The following ELL variants were observed in gnomAD, a reference collection of about 807,000 sequenced individuals.
ELL encodes the protein elongation factor for RNA polymerase II.
In ELL, 18 loss-of-function variants were observed where a neutral mutation model predicts 64.0. That is an observed-to-expected ratio of 0.28 (90% CI 0.19 to 0.42). ELL has a LOEUF of 0.42. Among genes scored for constraint, ELL ranks in the 10% least tolerant of loss-of-function variants. ELL has a pLI of 1.00. For missense variants in ELL, 797 were observed against 870.4 expected (o/e 0.92, Z 1.06); for synonymous variants, 399 against 376.2 (o/e 1.06, Z -0.70).
chr19:18,510,423 T>C (rs937992623), intron 1 of ELL, among the ~76,000 whole-genome samples: 6 of 152,190 alleles, frequency 3.9e-5, no homozygotes, highest in African/African-American at 1.4e-4. Context: ...AACCGCACAC[T>C]GGCTATGCAG....
Position 18,446,778 on chromosome 19 carries a change from G to A in ELL, c.1502C>T (p.Thr501Met), listed in dbSNP as rs1313567339. 5 of 1,613,938 alleles carry A rather than the reference G, an allele frequency of 3.1e-6. No homozygotes were observed. The highest frequency in any genetic ancestry group is 1.1e-5 in the South Asian group (1 of 91,082). Residue 501 changes from threonine (T) to methionine (M), a missense_variant, in exon 9 of 12, where the codon ACG (threonine) becomes ATG (methionine). Transcript: ENST00000262809. ...NGTCSVSSVP[T>M]STSETPDYLL... ...GTAGTCAGGCGTCTCCGACGTGGACGTGGGAACACTGGAAACGCTGCAGGT... is the reference window on the plus strand; with the variant it reads ...GTAGTCAGGCGTCTCCGACGTGGACATGGGAACACTGGAAACGCTGCAGGT...
At chr19:18,461,013 A>G (rs191901298) in intron 5 of ELL, among the ~76,000 whole-genome samples, 164 of 152,178 alleles carry the variant, frequency 1.1e-3, no homozygotes, top group Non-Finnish European at 1.4e-3. Flanking sequence ...ACCTGCTCCA[A>G]TGCCCGGGGT....
chr19:18,444,124 G>A lies in ELL; in HGVS notation c.*628C>T. On this transcript the variant is annotated 3_prime_UTR_variant, in exon 12 of 12. Transcript: ENST00000262809. ...CTGGAGTTCTCAAAATAGCCACCTGGGCCACCCTGTTTGCTTGCTGGAGCA... is the reference window on the plus strand; with the variant it reads ...CTGGAGTTCTCAAAATAGCCACCTGAGCCACCCTGTTTGCTTGCTGGAGCA... 1 of 230,756 alleles carries A rather than the reference G, an allele frequency of 4.3e-6. No individual in the cohort carries two copies. The highest frequency in any genetic ancestry group is 8.6e-6 in the Non-Finnish European group (1 of 116,528). The allele number at this position is 230,756 out of a possible 1,614,324, so 14.3% of individuals were successfully genotyped here. A position where few individuals can be genotyped will look rare whatever the true frequency, so the allele number is the denominator to read the frequency against.
At chr19:18,496,151 C>T (rs1975649085) in intron 1 of ELL, among the ~76,000 whole-genome samples, 1 of 152,212 alleles carries the variant, frequency 6.6e-6, no homozygotes, top group South Asian at 2.1e-4. Context: ...CAGGTGAGGC[C>T]ATGGCTGCGC....
chr19:18,494,641 T>C (rs1975608905), intron 1 of ELL, among the ~76,000 whole-genome samples: 1 of 152,214 alleles, frequency 6.6e-6, no homozygotes, highest in South Asian at 2.1e-4. Context: ...TCCGCCCACC[T>C]TGGCCTCCCA....
At chr19:18,451,735 A>C in intron 6 of ELL, 87 bp from the exon 7 acceptor site, 3 of 1,087,506 alleles carry the variant, frequency 2.8e-6, no homozygotes, top group Non-Finnish European at 2.5e-6. Context: ...CCCGGTGGAG[A>C]TGCCTCAAGG....
intron 2 of ELL, 175 bp downstream of exon 2, chr19:18,472,660 C>T: frequency 1.4e-6 from 1 of 729,120 alleles, no homozygotes; most frequent in Non-Finnish European, 2.2e-6. Context: ...CCCGACACGT[C>T]CTGGTGTGGC....
In ELL at chr19:18,450,782, C is replaced by A. The variant is rs767464841; in HGVS notation, c.1160G>T (p.Arg387Leu). The A allele has an allele frequency of 1.9e-6, 3 of 1,579,462 alleles. No homozygotes were observed. The Admixed American group carries it at 5.4e-5, about 29-fold the overall frequency. Reference protein sequence around the residue: ...TLSSSTHLPPRLEPPRAHDPL... With the variant: ...TLSSSTHLPPLLEPPRAHDPL... Reference sequence around the variant, plus strand: ...GTCGTGGGCCCTCGGGGGCTCCAGCCGCGGGGGCAGGTGAGTGCTGGAGCT... The same window carrying A: ...GTCGTGGGCCCTCGGGGGCTCCAGCAGCGGGGGCAGGTGAGTGCTGGAGCT... The change falls in exon 8 of 12, where the codon CGG becomes CTG. Residue 387 changes from arginine to leucine, a missense_variant. Transcript: ENST00000262809.
At chr19:18,496,866 T>C (rs1975665443) in intron 1 of ELL, among the ~76,000 whole-genome samples, 1 of 152,224 alleles carries the variant, frequency 6.6e-6, no homozygotes, top group Admixed American at 6.5e-5. Flanking sequence ...TACCACCACA[T>C]GCTTATTAGA....
chr19:18,495,161 T>A (rs535846869), intron 1 of ELL, among the ~76,000 whole-genome samples: 74 of 152,200 alleles, frequency 4.9e-4, no homozygotes, highest in African/African-American at 1.6e-3. Flanking sequence ...CTGTTCTAAC[T>A]GCCAAGGGTT....
In ELL at chr19:18,462,025, G is replaced by A. The variant is rs776203982; in HGVS notation, c.470-173C>T. Among the ~76,000 whole-genome samples, 6 of 152,160 alleles carry A rather than the reference G, an allele frequency of 3.9e-5. No homozygotes were observed. The South Asian group carries it at 6.2e-4, about 16-fold the overall frequency. ...TTGGGGACCCTGGGCGACCAAGAGCGCCACCTGCTGCCCAAGGCAGGCACC... is the reference window on the plus strand; with the variant it reads ...TTGGGGACCCTGGGCGACCAAGAGCACCACCTGCTGCCCAAGGCAGGCACC... On this transcript the variant is annotated intron_variant, in intron 4 of 11. Coordinates refer to ENST00000262809, the MANE Select transcript of ELL (RefSeq NM_006532.4).
intron 4 of ELL, 90 bp downstream of exon 4, chr19:18,465,322 A>T (rs1314770347): frequency 8.1e-6 from 12 of 1,473,784 alleles, no homozygotes; most frequent in Non-Finnish European, 1.0e-5. Flanking sequence ...TGCAGGGCAC[A>T]GCCAGTGCCC....
intron 6 of ELL, among the ~76,000 whole-genome samples, chr19:18,454,803 T>A (rs1439684704): frequency 7.6e-6 from 1 of 130,790 alleles, no homozygotes; most frequent in Non-Finnish European, 1.6e-5. Context: ...ATTGCGCCAC[T>A]GCACTCCAGC....
chr19:18,471,110 C>T (rs1975056630), intron 2 of ELL: 4 of 410,612 alleles, frequency 9.7e-6, no homozygotes, highest in South Asian at 5.3e-5. Context: ...CAGTGGCTCA[C>T]ACCTGTAATT....
At chr19:18,512,482 T>G (rs1274273819) in intron 1 of ELL, among the ~76,000 whole-genome samples, 1 of 148,128 alleles carries the variant, frequency 6.8e-6, no homozygotes, top group Non-Finnish European at 1.5e-5. Context: ...TACAAAAACA[T>G]ACAAAAAGCA....
Position 18,509,593 on chromosome 19 carries a change from GCACATACACACACACACACACACACACA to G in ELL, c.135+12300_135+12327del, listed in dbSNP as rs1369935874. On this transcript the variant is annotated intron_variant, in intron 1 of 11. Coordinates refer to ENST00000262809, the MANE Select transcript of ELL (RefSeq NM_006532.4). ...CAGGCCAATGCACGTGCGCGCGCGC[GCACATACACACACACACACACACACACA>G]CACACACACACACACACACACACAC... 6.3e-3 allele frequency among the ~76,000 whole-genome samples: 527 copies of G among 83,280 alleles called. 10 individuals carry two copies. Among genetic ancestry groups the G allele is most frequent in the African/African-American group, 0.014 (416 of 28,926 alleles). The allele number at this position is 83,280 out of a possible 152,430, so 54.6% of individuals were successfully genotyped here.
At position 18,449,779 on chromosome 19, in the gene ELL, A is replaced by G. The variant is rs1053843354; in HGVS notation, c.1465+698T>C. On this transcript the variant is annotated intron_variant, in intron 8 of 11. Coordinates refer to ENST00000262809, the MANE Select transcript of ELL (RefSeq NM_006532.4). This position sits in a 1 kb window ranked among gnomAD's most constrained non-coding sequence, Gnocchi z 4.4. ...CACATGGTGGTGGAACAGCCGCTGC[A>G]CGCTGGCCACTGCTTCTGCTGGTTC... 5.3e-5 allele frequency among the ~76,000 whole-genome samples: 8 copies of G among 152,338 alleles called. No homozygotes were observed. The highest frequency in any genetic ancestry group is 1.4e-4 in the African/African-American group (6 of 41,578).
chr19:18,456,466 CAG>C (rs1229070021), intron 6 of ELL, among the ~76,000 whole-genome samples: 4 of 152,212 alleles, frequency 2.6e-5, no homozygotes, highest in Non-Finnish European at 5.9e-5. Context: ...GCCCTGTCCT[CAG>C]AGAGGTGCTC....
At chr19:18,492,911 C>T (rs900268940) in intron 1 of ELL, among the ~76,000 whole-genome samples, 1 of 152,054 alleles carries the variant, frequency 6.6e-6, no homozygotes, top group Non-Finnish European at 1.5e-5. Context: ...GCGATGACAC[C>T]AGGAAAAGCT....
Sources: gnomAD v4.1 joint callset for allele counts (sites outside exome capture counted in the v4.1 genomes callset) on GRCh38, gnomAD v4.1.1 for gene constraint, Gnocchi (gnomAD v3.1) non-coding constraint, MANE v1.5 for transcripts, NCBI Gene and HGNC (gene_info 2026-07-23, HGNC 2026-07-21) for gene names.